STAG1: variants seen among roughly 807,000 people sequenced by gnomAD.
The protein encoded by STAG1 is STAG1 cohesin complex component.
Under a neutral mutation model 170.9 loss-of-function variants are expected in STAG1, and 26 were observed. The ratio of observed to expected loss-of-function variants is 0.15; its 90% CI spans 0.11 to 0.21. The LOEUF (loss-of-function observed/expected upper bound fraction) is 0.21. STAG1 is among the 10% of genes least tolerant of loss of function. The probability of loss-of-function intolerance (pLI) is 1.00; values close to 1 mark genes in which losing one functional copy is unlikely to be tolerated. For synonymous variants in STAG1, 514 were observed against 497.7 expected (o/e 1.03, Z -0.44); for missense variants, 964 against 1,509.5 (o/e 0.64, Z 5.99).
intron 14 of STAG1, among the ~76,000 whole-genome samples, chr3:136,447,024 G>A (rs1343356590): frequency 2.0e-5 from 3 of 150,058 alleles, no homozygotes; most frequent in Non-Finnish European, 4.4e-5. Flanking sequence ...GGCTGGTCTC[G>A]AACTCCTGAC....
chr3:136,702,835 C>T (rs1245633699), intron 1 of STAG1, among the ~76,000 whole-genome samples: 2 of 151,804 alleles, frequency 1.3e-5, no homozygotes, highest in Non-Finnish European at 2.9e-5. Flanking sequence ...TATGAGAGGC[C>T]GAGGCGGGCA....
At chr3:136,637,420 C>T (rs1161100057) in intron 1 of STAG1, among the ~76,000 whole-genome samples, 1 of 152,078 alleles carries the variant, frequency 6.6e-6, no homozygotes, top group East Asian at 1.9e-4. Context: ...TATTTTAAGC[C>T]AAAACTGAAT....
chr3:136,650,621 T>A (rs1941185708), intron 1 of STAG1, among the ~76,000 whole-genome samples: 1 of 152,236 alleles, frequency 6.6e-6, no homozygotes, highest in African/African-American at 2.4e-5. Flanking sequence ...TCCAGGGAAC[T>A]TAAGATTTCA....
chr3:136,438,502 G>A (rs998831856), intron 15 of STAG1, among the ~76,000 whole-genome samples: 8 of 152,068 alleles, frequency 5.3e-5, no homozygotes, highest in African/African-American at 1.9e-4. Context: ...TAGGATTAAA[G>A]GCATGAGCTA....
Position 136,539,006 on chromosome 3 carries a change from C to CAT in STAG1, c.471+3112_471+3113insAT, listed in dbSNP as rs1446278779. Among the ~76,000 whole-genome samples, 1,284 of 151,964 alleles carry CAT rather than the reference C, an allele frequency of 8.4e-3. 22 individuals carry two copies. Among genetic ancestry groups the CAT allele is most frequent in the African/African-American group, 0.03 (1,229 of 41,460 alleles). On this transcript the variant is annotated intron_variant, in intron 6 of 33. Transcript: ENST00000383202. ...AAAATTAGCCCAGCGTAGCGGCAGGCGCCTGTAGTCCCAGCTACTCAGGAG... is the reference window on the plus strand; with the variant it reads ...AAAATTAGCCCAGCGTAGCGGCAGGCATGCCTGTAGTCCCAGCTACTCAGGAG...
At chr3:136,526,668 A>G (rs1935049476) in intron 6 of STAG1, among the ~76,000 whole-genome samples, 1 of 152,138 alleles carries the variant, frequency 6.6e-6, no homozygotes, top group South Asian at 2.1e-4. Flanking sequence ...TCATTAGTTG[A>G]TGCAGTTTCT....
chr3:136,484,200 C>G (rs2089951459), intron 9 of STAG1, among the ~76,000 whole-genome samples: 1 of 151,494 alleles, frequency 6.6e-6, no homozygotes, highest in African/African-American at 2.4e-5. Flanking sequence ...TTTTCCCCAT[C>G]TTTGTGGTTT....
At chr3:136,741,923 G>C (rs1934691477) in intron 1 of STAG1, among the ~76,000 whole-genome samples, 1 of 152,156 alleles carries the variant, frequency 6.6e-6, no homozygotes, top group African/African-American at 2.4e-5. Flanking sequence ...AAATAAAGCA[G>C]ACTTCAAGGA....
intron 3 of STAG1, among the ~76,000 whole-genome samples, chr3:136,620,837 T>C (rs1392484603): frequency 1.3e-5 from 2 of 152,258 alleles, no homozygotes; most frequent in Non-Finnish European, 2.9e-5. Context: ...ACTATTTACT[T>C]ACTAGATTAT....
intron 1 of STAG1, among the ~76,000 whole-genome samples, chr3:136,722,316 A>C (rs1230694620): frequency 6.6e-6 from 1 of 152,182 alleles, no homozygotes; most frequent in East Asian, 1.9e-4. Context: ...TAAAATTTAT[A>C]CTTTAGTTTT....
chr3:136,593,092 T>A (rs1363079317), intron 4 of STAG1, among the ~76,000 whole-genome samples: 4 of 152,204 alleles, frequency 2.6e-5, no homozygotes, highest in Admixed American at 2.0e-4. Context: ...AAATATCCTT[T>A]CTGCCATAGC....
At chr3:136,545,142 G>A (rs933318396) in intron 5 of STAG1, among the ~76,000 whole-genome samples, 14 of 151,930 alleles carry the variant, frequency 9.2e-5, no homozygotes, top group African/African-American at 3.1e-4. Flanking sequence ...TCCGCCTCCC[G>A]GGTTCAAGTG....
intron 28 of STAG1, among the ~76,000 whole-genome samples, chr3:136,351,512 G>C (rs570635213): frequency 6.6e-6 from 1 of 152,258 alleles, no homozygotes; most frequent in South Asian, 2.1e-4. Flanking sequence ...AAAGGGAAGG[G>C]AATGAGGCAG....
intron 5 of STAG1, among the ~76,000 whole-genome samples, chr3:136,548,376 A>G (rs1287119504): frequency 6.6e-6 from 1 of 152,078 alleles, no homozygotes; most frequent in East Asian, 1.9e-4. Flanking sequence ...AGCCTCCCCA[A>G]GTGCTGGCAT....
chr3:136,738,905 T>C (rs1934498422), intron 1 of STAG1, among the ~76,000 whole-genome samples: 1 of 152,152 alleles, frequency 6.6e-6, no homozygotes, highest in Non-Finnish European at 1.5e-5. Flanking sequence ...TAAACATAAT[T>C]TGTCCATTTA....
chr3:136,531,917 A>G (rs981144086), intron 6 of STAG1, among the ~76,000 whole-genome samples: 2 of 151,898 alleles, frequency 1.3e-5, no homozygotes, highest in African/African-American at 2.4e-5. Flanking sequence ...TAAAAAAAAA[A>G]AAAAAAAGAG....
At chr3:136,368,986 TG>T in intron 24 of STAG1, 121 bp downstream of exon 24, 1 of 952,132 alleles carries the variant, frequency 1.1e-6, no homozygotes, top group Non-Finnish European at 1.4e-6. Context: ...CCACTGCACC[TG>T]GCCAACTTTT....
intron 4 of STAG1, among the ~76,000 whole-genome samples, chr3:136,598,439 T>C (rs1275129369): frequency 2.0e-5 from 3 of 152,012 alleles, no homozygotes; most frequent in Admixed American, 2.0e-4. Flanking sequence ...TTTTTTCTTT[T>C]TTTTTGAGAC....
chr3:136,526,639 T>C (rs1342787478), intron 6 of STAG1, among the ~76,000 whole-genome samples: 2 of 152,240 alleles, frequency 1.3e-5, no homozygotes, highest in African/African-American at 4.8e-5. Context: ...CCTGTCATTA[T>C]GTTACCTGGT....
Sources: gnomAD v4.1 joint callset for allele counts (sites outside exome capture counted in the v4.1 genomes callset) on GRCh38, gnomAD v4.1.1 for gene constraint, MANE v1.5 for transcripts, NCBI Gene and HGNC (gene_info 2026-07-23, HGNC 2026-07-21) for gene names.